Variants in SYN3 observed in about 807,000 individuals in gnomAD.
SYN3 encodes the protein synapsin-3.
In SYN3, 35 loss-of-function variants were observed where a neutral mutation model predicts 65.8. The ratio of observed to expected loss-of-function variants is 0.53; its 90% confidence interval spans 0.41 to 0.70. The LOEUF (loss-of-function observed/expected upper bound fraction) is 0.70, where lower values mean the gene tolerates loss of function less well. SYN3 is among the 30% of genes least tolerant of loss of function. The pLI is 0.00. For missense variants in SYN3, 680 were observed against 749.0 expected (o/e 0.91, Z 1.08); for synonymous variants, 270 against 292.9 (o/e 0.92, Z 0.80).
intron 6 of SYN3, chr22:32,859,900 C>G (rs1361601264): frequency 1.2e-5 from 2 of 165,716 alleles, no homozygotes; most frequent in Non-Finnish European, 2.6e-5. Flanking sequence ...ATGTTATACA[C>G]CAGGAGCTGC....
chr22:32,935,264 A>C (rs2050738276), intron 3 of SYN3, among the ~76,000 whole-genome samples: 1 of 150,704 alleles, frequency 6.6e-6, no homozygotes. Flanking sequence ...ATCTGCACCT[A>C]GACTCATTCT....
intron 6 of SYN3, among the ~76,000 whole-genome samples, chr22:32,635,796 GA>G (rs1001731617): frequency 6.6e-6 from 1 of 152,086 alleles, no homozygotes; most frequent in Non-Finnish European, 1.5e-5. Flanking sequence ...CAAATTTCCC[GA>G]ATCTCCCAAA....
chr22:32,541,730 G>A lies in SYN3; in HGVS notation c.775-17C>T. On this transcript the variant is annotated splice_polypyrimidine_tract_variant and intron_variant, in intron 7 of 13. Transcript: ENST00000358763. ...CACTTTGATCTGTGTGGGAGGATGA[G>A]GGGGATGAGTGCCACCCACCCCGTG... The A allele has an allele frequency of 2.5e-6, 4 of 1,611,328 alleles. No individual in the cohort carries two copies. The highest frequency in any genetic ancestry group is 3.4e-6 in the Non-Finnish European group (4 of 1,178,378).
At chr22:32,994,506 C>G (rs1226152679) in intron 2 of SYN3, among the ~76,000 whole-genome samples, 1 of 152,192 alleles carries the variant, frequency 6.6e-6, no homozygotes, top group Non-Finnish European at 1.5e-5. Flanking sequence ...TTCATTTCCC[C>G]ACACAAACAG....
intron 6 of SYN3, among the ~76,000 whole-genome samples, chr22:32,652,461 T>C (rs1489376678): frequency 1.4e-5 from 2 of 147,224 alleles, no homozygotes; most frequent in Non-Finnish European, 3.0e-5. Context: ...AAATGGCTAA[T>C]TGTTTTGCTT....
intron 11 of SYN3, 117 bp from the exon 12 acceptor site, chr22:32,528,122 G>A (rs1330749825): frequency 4.9e-6 from 4 of 815,052 alleles, no homozygotes; most frequent in Non-Finnish European, 7.5e-6. Context: ...TACACATAAA[G>A]TGTACAGTTC....
intron 6 of SYN3, among the ~76,000 whole-genome samples, chr22:32,775,266 T>C (rs893047795): frequency 6.6e-6 from 1 of 152,030 alleles, no homozygotes; most frequent in Non-Finnish European, 1.5e-5. Flanking sequence ...GAGATCAGGG[T>C]CCCACCCTTC....
chr22:32,960,494 G>GC (rs2051613929), intron 3 of SYN3, among the ~76,000 whole-genome samples: 1 of 152,138 alleles, frequency 6.6e-6, no homozygotes, highest in East Asian at 1.9e-4. Context: ...GCTCCCCTGT[G>GC]CCCCCCGCCT....
intron 7 of SYN3, among the ~76,000 whole-genome samples, chr22:32,556,101 T>C (rs1229014081): frequency 6.6e-6 from 1 of 152,162 alleles, no homozygotes; most frequent in African/African-American, 2.4e-5. Context: ...ATCTCAAGAA[T>C]TTTTTCACGG....
intron 6 of SYN3, among the ~76,000 whole-genome samples, chr22:32,715,841 G>A (rs2061031760): frequency 6.6e-6 from 1 of 151,454 alleles, no homozygotes; most frequent in Non-Finnish European, 1.5e-5. Context: ...AGTGTGCAAG[G>A]AAAGAAGTAC....
intron 6 of SYN3, among the ~76,000 whole-genome samples, chr22:32,847,598 A>G (rs555692622): frequency 6.6e-6 from 1 of 152,352 alleles, no homozygotes; most frequent in Admixed American, 6.5e-5. Flanking sequence ...AGTTCTTAGT[A>G]AAGATTTTTT....
intron 6 of SYN3, among the ~76,000 whole-genome samples, chr22:32,671,890 G>C (rs1428250939): frequency 6.6e-6 from 1 of 152,252 alleles, no homozygotes; most frequent in Admixed American, 6.5e-5. Context: ...CACACGTTTA[G>C]TGTATGCGGA....
intron 6 of SYN3, among the ~76,000 whole-genome samples, chr22:32,791,024 C>T (rs9621566): frequency 0.044 from 6,722 of 152,226 alleles, 490 homozygotes; most frequent in African/African-American, 0.15. Context: ...CAGGATGGGA[C>T]GCTGAACTTG....
chr22:32,711,457 A>C (rs1010316285), intron 6 of SYN3, among the ~76,000 whole-genome samples: 9 of 152,140 alleles, frequency 5.9e-5, no homozygotes, highest in African/African-American at 1.7e-4. Flanking sequence ...GGGGGAGAAG[A>C]AGCTGAGGGT....
chr22:32,702,312 C>T (rs2060820547), intron 6 of SYN3, among the ~76,000 whole-genome samples: 1 of 152,018 alleles, frequency 6.6e-6, no homozygotes, highest in South Asian at 2.1e-4. Flanking sequence ...CCTGTTTTTA[C>T]TAAAAATACA....
At chr22:32,528,503 C>G (rs896582487) in intron 11 of SYN3, among the ~76,000 whole-genome samples, 4 of 152,296 alleles carry the variant, frequency 2.6e-5, no homozygotes, top group Non-Finnish European at 4.4e-5. Context: ...TGGGAGCACA[C>G]AGAGGGCTTG....
intron 6 of SYN3, among the ~76,000 whole-genome samples, chr22:32,824,849 T>C (rs1019805791): frequency 2.6e-5 from 4 of 152,194 alleles, no homozygotes; most frequent in African/African-American, 9.7e-5. Context: ...CTCCCTACTC[T>C]TGCAGAATAC....
chr22:32,678,112 C>T (rs1374983736), intron 6 of SYN3, among the ~76,000 whole-genome samples: 2 of 152,136 alleles, frequency 1.3e-5, no homozygotes, highest in African/African-American at 4.8e-5. Context: ...ATTGGATAGG[C>T]ATCTTTAGGA....
chr22:33,029,213 T>G (rs1275780812), intron 1 of SYN3, among the ~76,000 whole-genome samples: 1 of 151,274 alleles, frequency 6.6e-6, no homozygotes, highest in Non-Finnish European at 1.5e-5. Context: ...CTCACTTTGT[T>G]GCCCCGGCTG....
Sources: gnomAD v4.1 joint callset for allele counts (sites outside exome capture counted in the v4.1 genomes callset) on GRCh38, gnomAD v4.1.1 for gene constraint, MANE v1.5 for transcripts, NCBI Gene and HGNC (gene_info 2026-07-23, HGNC 2026-07-21) for gene names.